The following MYCBP2 variants were observed in gnomAD, a reference collection of about 807,000 sequenced individuals.
MYCBP2 encodes the protein MYC binding protein 2, also known as E3 ubiquitin-protein ligase MYCBP2.
Under a neutral mutation model 525.3 loss-of-function variants are expected in MYCBP2, and 120 were observed. That is an observed-to-expected ratio of 0.23 (90% CI 0.20 to 0.27). The LOEUF (loss-of-function observed/expected upper bound fraction) is 0.27, where lower values mean the gene tolerates loss of function less well. Ranked by LOEUF, MYCBP2 falls within the 10% of genes least tolerant of loss-of-function variation. The pLI, the probability that MYCBP2 is intolerant of heterozygous loss-of-function variation, is 1.00. For missense variants in MYCBP2, 4,149 were observed against 5,657.1 expected, an observed-to-expected ratio of 0.73 and a Z score of 8.55; for synonymous variants, 1,894 against 1,955.8, an observed-to-expected ratio of 0.97 and a Z score of 0.83.
intron 39 of MYCBP2, among the ~76,000 whole-genome samples, chr13:77,168,951 C>G (rs536597425): frequency 3.6e-4 from 55 of 152,186 alleles, no homozygotes; most frequent in Non-Finnish European, 5.9e-4. Context: ...GAATATGTCA[C>G]TATTTTAAAA....
chr13:77,076,194 T>G (rs769620332), intron 68 of MYCBP2: 1 of 152,186 alleles, frequency 6.6e-6, no homozygotes, highest in Non-Finnish European at 1.5e-5. Flanking sequence ...ACTAAACATG[T>G]GTGTGATGCT....
rs1049348563 is a variant in MYCBP2, at chr13:77,288,209, A to G, written c.546T>C (p.Asp182=). 2 of 1,614,056 alleles carry G rather than the reference A, an allele frequency of 1.2e-6. No individual in the cohort carries two copies. The highest frequency in any genetic ancestry group is 2.2e-5 in the East Asian group (1 of 44,884). The change falls in exon 3 of 83, where the codon GAT becomes GAC. Residue 182 remains aspartate, a synonymous_variant. Coordinates refer to ENST00000544440, the MANE Select transcript of MYCBP2 (RefSeq NM_015057.5). ...SKNSVQSGES[D]SDEEEESKEP... ...CTTTGGATTCCTCTTCTTCATCACTATCTGATTCTCCACTCTGCACAGAGT... is the reference window on the plus strand; with the variant it reads ...CTTTGGATTCCTCTTCTTCATCACTGTCTGATTCTCCACTCTGCACAGAGT...
intron 65 of MYCBP2, among the ~76,000 whole-genome samples, chr13:77,080,227 G>A (rs2043065823): frequency 1.3e-5 from 2 of 152,174 alleles, no homozygotes; most frequent in Non-Finnish European, 2.9e-5. Flanking sequence ...AACCTGCACT[G>A]ATGTACAGGA....
intron 55 of MYCBP2, among the ~76,000 whole-genome samples, chr13:77,119,116 T>C (rs1375271923): frequency 1.3e-5 from 2 of 152,184 alleles, no homozygotes; most frequent in Non-Finnish European, 2.9e-5. Context: ...GTAAGTCCTA[T>C]ATGACAAAAA....
chr13:77,067,983 A>T, intron 70 of MYCBP2, 119 bp from the exon 71 acceptor site: 5 of 972,178 alleles, frequency 5.1e-6, no homozygotes, highest in Non-Finnish European at 7.4e-6. Flanking sequence ...GTTGGAGTGC[A>T]GTGGAGCAAC....
At chr13:77,266,458 T>C (rs1236455235) in intron 8 of MYCBP2, among the ~76,000 whole-genome samples, 2 of 152,034 alleles carry the variant, frequency 1.3e-5, no homozygotes, top group East Asian at 1.9e-4. Flanking sequence ...AAAAGCAATA[T>C]GTAGCATATG....
intron 20 of MYCBP2, among the ~76,000 whole-genome samples, chr13:77,224,181 G>A (rs1161099109): frequency 2.0e-5 from 3 of 152,080 alleles, no homozygotes; most frequent in African/African-American, 7.2e-5. Context: ...AGAATATAGT[G>A]ATATTTTGTG....
intron 61 of MYCBP2, chr13:77,087,843 T>C: frequency 2.4e-6 from 1 of 411,226 alleles, no homozygotes; most frequent in Non-Finnish European, 4.3e-6. Flanking sequence ...TACAGTGGTG[T>C]GATCATGGCT....
chr13:77,137,267 C>A (rs1000985877), intron 52 of MYCBP2, among the ~76,000 whole-genome samples: 3 of 152,314 alleles, frequency 2.0e-5, no homozygotes, highest in African/African-American at 7.2e-5. Context: ...AGAATTGTGA[C>A]AGATGGTACT....
chr13:77,046,965 C>T (rs1187143898), intron 82 of MYCBP2, among the ~76,000 whole-genome samples: 1 of 152,168 alleles, frequency 6.6e-6, no homozygotes, highest in Non-Finnish European at 1.5e-5. Context: ...AGTTCAGATA[C>T]ACAACATATC....
intron 17 of MYCBP2, among the ~76,000 whole-genome samples, chr13:77,233,546 T>C (rs2067437786): frequency 6.6e-6 from 1 of 151,818 alleles, no homozygotes; most frequent in Admixed American, 6.6e-5. Context: ...AAATAGATAA[T>C]CAAGAAGTTC....
At chr13:77,080,150 G>A (rs2043055264) in intron 65 of MYCBP2, among the ~76,000 whole-genome samples, 1 of 152,172 alleles carries the variant, frequency 6.6e-6, no homozygotes, top group South Asian at 2.1e-4. Context: ...TCTTAGGTCT[G>A]AGGAGGAAAT....
intron 2 of MYCBP2, among the ~76,000 whole-genome samples, chr13:77,290,304 A>G (rs1221123877): frequency 6.6e-6 from 1 of 152,208 alleles, no homozygotes; most frequent in Non-Finnish European, 1.5e-5. Context: ...AAAGTACAGC[A>G]ATTTCCTACA....
At position 77,294,131 on chromosome 13, in the gene MYCBP2, C is replaced by CACACAT. The variant is rs1555465826; in HGVS notation, c.378+2467_378+2468insATGTGT. Among the ~76,000 whole-genome samples the CACACAT allele has an allele frequency of 6.9e-3, 452 of 65,712 alleles. 5 individuals are homozygous for CACACAT. Among genetic ancestry groups the CACACAT allele is most frequent in the African/African-American group, 0.021 (389 of 18,896 alleles). The allele number at this position is 65,712 out of a possible 152,430, so 43.1% of individuals were successfully genotyped here. A position where few individuals can be genotyped will look rare whatever the true frequency, so the allele number is the denominator to read the frequency against. ...ATATATATATATATATATATATATA[C>CACACAT]ATATATATATACATATATATAAAAT... On this transcript the variant is annotated intron_variant, in intron 2 of 82. Transcript: ENST00000544440.
intron 1 of MYCBP2, among the ~76,000 whole-genome samples, chr13:77,304,963 T>C (rs1371974661): frequency 6.6e-6 from 1 of 152,066 alleles, no homozygotes; most frequent in African/African-American, 2.4e-5. Flanking sequence ...AAAAAAAATG[T>C]AATATCTGAA....
chr13:77,279,772 T>C (rs752820388), intron 3 of MYCBP2, among the ~76,000 whole-genome samples: 7 of 152,216 alleles, frequency 4.6e-5, no homozygotes, highest in Non-Finnish European at 1.0e-4. Flanking sequence ...TATGAAGGTA[T>C]ACTAGACCCT....
At chr13:77,155,208 G>C (rs553211129) in intron 46 of MYCBP2, among the ~76,000 whole-genome samples, 12 of 152,126 alleles carry the variant, frequency 7.9e-5, no homozygotes, top group Admixed American at 2.0e-4. Flanking sequence ...TTTTACTTAG[G>C]TAAGATGCTA....
chr13:77,190,359 C>A, intron 28 of MYCBP2, 24 bp from the exon 29 acceptor site: 1 of 1,327,706 alleles, frequency 7.5e-7, no homozygotes, highest in Non-Finnish European at 1.1e-6. Flanking sequence ...ACAATGATAC[C>A]AAAAACAACA....
chr13:77,296,792 T>G, intron 1 of MYCBP2, 118 bp from the exon 2 acceptor site: 2 of 816,612 alleles, frequency 2.4e-6, no homozygotes, highest in South Asian at 4.3e-5. Context: ...CAAAATTTCT[T>G]TATGTGAAAC....
Sources: gnomAD v4.1 joint callset for allele counts (sites outside exome capture counted in the v4.1 genomes callset) on GRCh38, gnomAD v4.1.1 for gene constraint, MANE v1.5 for transcripts, NCBI Gene and HGNC (gene_info 2026-07-23, HGNC 2026-07-21) for gene names.